CSMD1: variants seen among roughly 807,000 people sequenced by gnomAD.
CSMD1 encodes the protein CUB and sushi domain-containing protein 1.
In CSMD1, 213 loss-of-function variants were observed where a neutral mutation model predicts 417.5. That is an observed-to-expected ratio of 0.51 (90% confidence interval 0.46 to 0.57). The LOEUF (loss-of-function observed/expected upper bound fraction) is 0.57, where lower values mean the gene tolerates loss of function less well. Ranked by LOEUF, CSMD1 falls within the 20% of genes least tolerant of loss-of-function variation. CSMD1 has a pLI of 0.00. For synonymous variants in CSMD1, 2,862 were observed against 1,736.8 expected, an observed-to-expected ratio of 1.65 and a Z score of -16.11; for missense variants, 6,923 against 4,529.7, an observed-to-expected ratio of 1.53 and a Z score of -15.17.
At chr8:4,491,969 G>C (rs1361181312) in intron 2 of CSMD1, among the ~76,000 whole-genome samples, 1 of 149,102 alleles carries the variant, frequency 6.7e-6, no homozygotes, top group East Asian at 2.0e-4. Flanking sequence ...AAGTAACCAA[G>C]ACATTCATTA....
chr8:3,154,020 G>A (rs970296595), intron 39 of CSMD1, among the ~76,000 whole-genome samples: 14 of 152,280 alleles, frequency 9.2e-5, no homozygotes, highest in Admixed American at 3.9e-4. Context: ...AGGCTGGACT[G>A]CAGTGGTGCA....
intron 3 of CSMD1, among the ~76,000 whole-genome samples, chr8:4,254,724 T>C (rs932779869): frequency 6.6e-6 from 1 of 152,150 alleles, no homozygotes; most frequent in Non-Finnish European, 1.5e-5. Context: ...TAGGTATGGT[T>C]ATGTATCTTC....
chr8:4,782,221 G>A (rs1797186824), intron 1 of CSMD1, among the ~76,000 whole-genome samples: 1 of 152,142 alleles, frequency 6.6e-6, no homozygotes, highest in African/African-American at 2.4e-5. Context: ...GCTTAATAAT[G>A]TATATCTCAA....
intron 7 of CSMD1, among the ~76,000 whole-genome samples, chr8:3,706,045 G>A (rs958288235): frequency 5.9e-5 from 9 of 152,216 alleles, no homozygotes; most frequent in African/African-American, 2.2e-4. Context: ...GGCTCATGGT[G>A]GGAACGCCTA....
At chr8:4,450,777 ATTG>A (rs1799094333) in intron 2 of CSMD1, among the ~76,000 whole-genome samples, 1 of 152,168 alleles carries the variant, frequency 6.6e-6, no homozygotes, top group African/African-American at 2.4e-5. Flanking sequence ...GAAAGCAAGT[ATTG>A]TATTTTCATT....
intron 5 of CSMD1, among the ~76,000 whole-genome samples, chr8:3,887,093 C>G (rs532132733): frequency 2.0e-5 from 3 of 152,166 alleles, no homozygotes; most frequent in Non-Finnish European, 4.4e-5. Context: ...TAGCTGAGCT[C>G]TGAAAAGTAG....
At chr8:3,133,934 G>C (rs146859946) in intron 41 of CSMD1, among the ~76,000 whole-genome samples, 3 of 152,182 alleles carry the variant, frequency 2.0e-5, no homozygotes, top group Admixed American at 2.0e-4. Context: ...CAGCACTCTG[G>C]GAGGCCGAGG....
At chr8:3,642,269 C>T (rs1797344691) in intron 7 of CSMD1, among the ~76,000 whole-genome samples, 1 of 151,952 alleles carries the variant, frequency 6.6e-6, no homozygotes, top group Non-Finnish European at 1.5e-5. Context: ...AAGGACTTGA[C>T]TAATAGTAAA....
Position 3,369,334 on chromosome 8 carries a change from G to C in CSMD1, c.2819C>G (p.Thr940Arg). Reference protein sequence around the residue: ...CGGYIQGKSGTVLSPGFPDFY... With the variant: ...CGGYIQGKSGRVLSPGFPDFY... ...ATCTGGAAACCCAGGAGAAAGGACT[G>C]TTCCACTCTTCCCTTGGATGTAGCC... The change falls in exon 19 of 70, where the codon ACA becomes AGA. Residue 940 changes from threonine to arginine, a missense_variant. Transcript: ENST00000635120. 6.2e-7 allele frequency: 1 copy of C among 1,602,104 alleles called. No homozygotes were observed.
chr8:4,257,686 G>C (rs775165089), intron 3 of CSMD1, among the ~76,000 whole-genome samples: 3 of 152,178 alleles, frequency 2.0e-5, no homozygotes, highest in Admixed American at 6.5e-5. Context: ...GCAGTCTTAG[G>C]TATGGATTCT....
chr8:3,140,155 C>T (rs1818348035), intron 41 of CSMD1, among the ~76,000 whole-genome samples: 1 of 152,168 alleles, frequency 6.6e-6, no homozygotes, highest in African/African-American at 2.4e-5. Flanking sequence ...CAGCCCGCCT[C>T]TGCATCCCAA....
At chr8:4,008,728 A>G (rs1479833212) in intron 4 of CSMD1, among the ~76,000 whole-genome samples, 2 of 145,106 alleles carry the variant, frequency 1.4e-5, no homozygotes, top group East Asian at 4.1e-4. Flanking sequence ...CTCCTGCCTC[A>G]GCCTCCTGAG....
At chr8:4,806,678 G>C (rs1489311069) in intron 1 of CSMD1, among the ~76,000 whole-genome samples, 2 of 152,174 alleles carry the variant, frequency 1.3e-5, no homozygotes, top group Non-Finnish European at 2.9e-5. Context: ...TTGAACCATG[G>C]TCGCAGTGCC....
intron 3 of CSMD1, among the ~76,000 whole-genome samples, chr8:4,165,741 CTCA>C (rs1333506572): frequency 6.6e-6 from 1 of 152,170 alleles, no homozygotes; most frequent in African/African-American, 2.4e-5. Flanking sequence ...CACTAAGCAT[CTCA>C]TCATTTCTTC....
At chr8:4,901,110 C>G (rs747661248) in intron 1 of CSMD1, among the ~76,000 whole-genome samples, 1 of 152,184 alleles carries the variant, frequency 6.6e-6, no homozygotes, top group Non-Finnish European at 1.5e-5. Flanking sequence ...AGTATACCCT[C>G]GTCAGTATTA....
At chr8:4,880,437 T>C (rs1409015036) in intron 1 of CSMD1, among the ~76,000 whole-genome samples, 1 of 152,118 alleles carries the variant, frequency 6.6e-6, no homozygotes, top group Non-Finnish European at 1.5e-5. Flanking sequence ...AGATGTATGA[T>C]GACTCGGTGA....
At chr8:4,602,276 G>C (rs757922692) in intron 2 of CSMD1, among the ~76,000 whole-genome samples, 1 of 152,104 alleles carries the variant, frequency 6.6e-6, no homozygotes, top group Non-Finnish European at 1.5e-5. Context: ...TACTAAAAAA[G>C]AGGAAGAAAG....
chr8:4,204,553 C>T (rs571651734), intron 3 of CSMD1, among the ~76,000 whole-genome samples: 1 of 152,166 alleles, frequency 6.6e-6, no homozygotes, highest in African/African-American at 2.4e-5. Context: ...GAAATTATGA[C>T]ACCTTTTCTA....
At chr8:3,680,284 C>T (rs985858666) in intron 7 of CSMD1, among the ~76,000 whole-genome samples, 3 of 151,960 alleles carry the variant, frequency 2.0e-5, no homozygotes, top group Non-Finnish European at 2.9e-5. Flanking sequence ...ATTGATAGAC[C>T]ACTAGCAAGA....
Sources: allele counts gnomAD v4.1 joint callset (sites outside exome capture counted in the v4.1 genomes callset), GRCh38; gene constraint gnomAD v4.1.1; transcripts MANE v1.5; gene names NCBI Gene and HGNC (gene_info 2026-07-23, HGNC 2026-07-21).